ERN2: variants seen among roughly 807,000 people sequenced by gnomAD.
The protein encoded by ERN2 is endoplasmic reticulum to nucleus signaling 2.
ERN2 carries 111 observed loss-of-function variants against 107.9 expected under a neutral mutation model. The observed-to-expected ratio is 1.03, with a 90% confidence interval of 0.88 to 1.20. The LOEUF (loss-of-function observed/expected upper bound fraction) is 1.20, where lower values mean the gene tolerates loss of function less well. Among genes scored for constraint, ERN2 ranks in the 50% most tolerant of loss-of-function variants. The pLI is 0.00. For synonymous variants in ERN2, 524 were observed against 501.7 expected, an observed-to-expected ratio of 1.04 and a Z score of -0.59; for missense variants, 1,225 against 1,197.9, an observed-to-expected ratio of 1.02 and a Z score of -0.33.
chr16:23,700,323 C>G (rs1333704771), intron 13 of ERN2, among the ~76,000 whole-genome samples: 1 of 152,096 alleles, frequency 6.6e-6, no homozygotes, highest in Non-Finnish European at 1.5e-5. Context: ...GGCAACAGAG[C>G]AAGATCCTGT....
chr16:23,692,120 T>G (rs1307922021), intron 18 of ERN2, 30 bp from the exon 19 acceptor site: 2 of 1,613,786 alleles, frequency 1.2e-6, no homozygotes, highest in Admixed American at 1.7e-5. Flanking sequence ...GAGGAGAGTC[T>G]GCTTCAGGCC....
Position 23,704,996 on chromosome 16 carries a change from C to A in ERN2, c.741G>T (p.Thr247=). Residue 247 remains threonine (T), a synonymous_variant, in exon 8 of 22, where the codon ACG becomes ACT. Coordinates refer to ENST00000256797, the MANE Select transcript of ERN2 (RefSeq NM_033266.4). ...QDGLRQLPHL[T]LARDTLHFLA... is the part of the protein sequence containing the mutation. ...GGAAATGCAGAGTGTCTCGAGCCAG[C>A]GTGAGATGCGGCAGCTGGCGCAGGC... The A allele has an allele frequency of 2.5e-6, 4 of 1,614,036 alleles. No individual in the cohort carries two copies. The highest frequency in any genetic ancestry group is 2.5e-6 in the Non-Finnish European group (3 of 1,180,014).
At chr16:23,712,887 C>T (rs1960598591) in intron 1 of ERN2, 1 of 526,762 alleles carries the variant, frequency 1.9e-6, no homozygotes, top group South Asian at 2.6e-5. Flanking sequence ...GCTGGCAGAT[C>T]TCCCCAGCTA....
At position 23,713,215 on chromosome 16, in the gene ERN2, AG is replaced by A; in HGVS notation, c.-29del. On this transcript the variant is annotated 5_prime_UTR_variant, in exon 1 of 22. Coordinates refer to ENST00000256797, the MANE Select transcript of ERN2 (RefSeq NM_033266.4). ...CGCCTGGGCAGCTGCACGGCTGGCC[AG>A]GTCCCTGGGTGCCTCCAAGGGAGCG... The A allele has an allele frequency of 1.3e-6, 2 of 1,579,746 alleles. No individual in the cohort carries two copies. Among genetic ancestry groups the A allele is most frequent in the Admixed American group, 1.7e-5 (1 of 57,558 alleles).
chr16:23,703,267 C>T (rs888495423), intron 8 of ERN2, among the ~76,000 whole-genome samples: 9 of 152,264 alleles, frequency 5.9e-5, no homozygotes, highest in African/African-American at 1.7e-4. Context: ...CTCATTACAT[C>T]GTCCTTTACT....
chr16:23,713,022 C>T, intron 1 of ERN2, 73 bp downstream of exon 1: 1 of 1,233,036 alleles, frequency 8.1e-7, no homozygotes, highest in Non-Finnish European at 1.1e-6. Context: ...CGCGCCCTCG[C>T]CCCAAGTGCG....
chr16:23,702,794 C>A, intron 8 of ERN2, 92 bp from the exon 9 acceptor site: 1 of 1,043,798 alleles, frequency 9.6e-7, no homozygotes, highest in South Asian at 1.3e-5. Flanking sequence ...ATATTTCCCT[C>A]TCACATTGAC....
intron 7 of ERN2, 76 bp from the exon 8 acceptor site, chr16:23,705,223 G>A: frequency 6.6e-7 from 1 of 1,524,390 alleles, no homozygotes; most frequent in South Asian, 1.2e-5. Flanking sequence ...CTCTGGGTGA[G>A]GGGTCAGTCT....
chr16:23,692,544 G>A (rs1176588464), intron 17 of ERN2, among the ~76,000 whole-genome samples: 2 of 152,116 alleles, frequency 1.3e-5, no homozygotes, highest in African/African-American at 4.8e-5. Context: ...TGCCCTTACT[G>A]AGCTAGTTCA....
chr16:23,701,348 C>T (rs1263658049), intron 11 of ERN2, among the ~76,000 whole-genome samples: 2 of 152,190 alleles, frequency 1.3e-5, no homozygotes, highest in African/African-American at 4.8e-5. Flanking sequence ...AATACAGGTA[C>T]TCTTGGAATG....
chr16:23,692,150 C>A (rs754008034), intron 18 of ERN2, 34 bp downstream of exon 18: 21 of 1,613,806 alleles, frequency 1.3e-5, no homozygotes, highest in Admixed American at 1.7e-5. Flanking sequence ...TCTTGCCCGT[C>A]CTCCCTTCTC....
At position 23,694,742 on chromosome 16, in the gene ERN2, G is replaced by A; in HGVS notation, c.2086C>T (p.Pro696Ser). Reference protein sequence around the residue: ...WMAPELLQLLPPDSPTSAVDI... With the variant: ...WMAPELLQLLSPDSPTSAVDI... Reference sequence around the variant, plus strand: ...GATAGACTCACAGGACTGTCTGGTGGCAGGAGCTGCAGAAGCTCGGGCGCC... The same window carrying A: ...GATAGACTCACAGGACTGTCTGGTGACAGGAGCTGCAGAAGCTCGGGCGCC... The change falls in exon 17 of 22, where the codon CCA becomes TCA. Residue 696 changes from proline to serine, a missense_variant. Coordinates refer to ENST00000256797, the MANE Select transcript of ERN2 (RefSeq NM_033266.4). 6.2e-7 allele frequency: 1 copy of A among 1,607,136 alleles called. No homozygotes were observed. Among genetic ancestry groups the A allele is most frequent in the Non-Finnish European group, 8.5e-7 (1 of 1,178,234 alleles).
Position 23,695,301 on chromosome 16 carries a change from C to G in ERN2, c.1699G>C (p.Glu567Gln). The change falls in exon 15 of 22, where the codon GAG (glutamate) becomes CAG (glutamine). Residue 567 changes from glutamate (E) to glutamine (Q), a missense_variant. Glu to Gln is a conservative substitution (Grantham distance 29, BLOSUM62 2). Transcript: ENST00000256797. ...LVRREVQLLQESDRHPNVLRY... is the reference protein window; with the variant it reads ...LVRREVQLLQQSDRHPNVLRY... ...AGCACGTTGGGGTGCCTGTCAGACT[C>G]CTGCAGCAGTTGAACTTCCCGCCGA... is the stretch of plus-strand genomic sequence containing the variant. The G allele has an allele frequency of 6.2e-7, 1 of 1,613,950 alleles. No homozygotes were observed. Among genetic ancestry groups the G allele is most frequent in the Non-Finnish European group, 8.5e-7 (1 of 1,179,980 alleles).
chr16:23,710,155 C>G lies in ERN2; in HGVS notation c.306+17G>C. 6.3e-7 allele frequency: 1 copy of G among 1,594,524 alleles called. No homozygotes were observed. Among genetic ancestry groups the G allele is most frequent in the Non-Finnish European group, 8.6e-7 (1 of 1,162,176 alleles). ...GCCCTGGCTCTCACCCATTCCCGAA[C>G]ACCATGGGATACAAACCATTAATCC... is the stretch of plus-strand genomic sequence containing the variant. On this transcript the variant is annotated intron_variant, in intron 4 of 21. Transcript: ENST00000256797.
intron 3 of ERN2, 47 bp from the exon 4 acceptor site, chr16:23,710,291 G>T: frequency 6.6e-7 from 1 of 1,515,542 alleles, no homozygotes; most frequent in Non-Finnish European, 9.2e-7. Context: ...CTTGCCCCCT[G>T]GTTTCATGAA....
At chr16:23,709,163 G>T (rs1299480404) in intron 4 of ERN2, 3 of 455,366 alleles carry the variant, frequency 6.6e-6, no homozygotes, top group Non-Finnish European at 1.3e-5. Context: ...GGGTGTGGTG[G>T]TGTGTACCTG....
rs1012659109 is a variant in ERN2 at position 23,690,493 on chromosome 16, G to C, written c.*338C>G. Reference sequence around the variant, plus strand: ...AAAGGGGGTGACAGTGTCTCTCTGTGGACCAGGCTGGAGTGCAGTGGCATG... The same window carrying C: ...AAAGGGGGTGACAGTGTCTCTCTGTCGACCAGGCTGGAGTGCAGTGGCATG... On this transcript the variant is annotated 3_prime_UTR_variant, in exon 22 of 22. Coordinates refer to ENST00000256797, the MANE Select transcript of ERN2 (RefSeq NM_033266.4). 4.3e-6 allele frequency: 2 copies of C among 464,116 alleles called. No individual in the cohort carries two copies. Among genetic ancestry groups the C allele is most frequent in the African/African-American group, 3.9e-5 (2 of 51,532 alleles). 28.7% of individuals were successfully genotyped at this position (464,116 alleles called of 1,614,324 possible). A position where few individuals can be genotyped will look rare whatever the true frequency, so the allele number is the denominator to read the frequency against.
At chr16:23,704,812 C>T in intron 8 of ERN2, 71 bp downstream of exon 8, 1 of 1,521,402 alleles carries the variant, frequency 6.6e-7, no homozygotes, top group Non-Finnish European at 8.9e-7. Flanking sequence ...GAACATCTCG[C>T]CTGGCCATCA....
rs528835318 is a variant in ERN2 at position 23,709,649 on chromosome 16, CAT to C, written c.306+521_306+522del. 45 of 181,700 alleles carry C rather than the reference CAT, an allele frequency of 2.5e-4. 1 individual carries two copies. In the South Asian group the frequency reaches 5.2e-3, roughly 21 times the overall value. 11.3% of individuals were successfully genotyped at this position (181,700 alleles called of 1,614,324 possible). On this transcript the variant is annotated intron_variant, in intron 4 of 21. Coordinates refer to ENST00000256797, the MANE Select transcript of ERN2 (RefSeq NM_033266.4). The stretch of plus-strand genomic sequence containing the variant: ...AGGCTTGCCTGCTAGGGATAAGAGA[CAT>C]ATGGCCCAGCCACCTCTGCCAAAAG...
Sources: allele counts gnomAD v4.1 joint callset (sites outside exome capture counted in the v4.1 genomes callset), GRCh38; gene constraint gnomAD v4.1.1; transcripts MANE v1.5; gene names NCBI Gene and HGNC (gene_info 2026-07-23, HGNC 2026-07-21).